PKHD1: variants seen among roughly 807,000 people sequenced by gnomAD.
PKHD1 encodes the protein fibrocystin.
PKHD1 carries 291 observed loss-of-function variants against 412.0 expected under a neutral mutation model. The observed-to-expected ratio is 0.71, with a 90% confidence interval of 0.64 to 0.78. The LOEUF is 0.78. Among genes scored for constraint, PKHD1 ranks in the 30% least tolerant of loss-of-function variants. The pLI, the probability that PKHD1 is intolerant of heterozygous loss-of-function variation, is 0.00. For synonymous variants in PKHD1, 1,777 were observed against 1,821.5 expected, an observed-to-expected ratio of 0.98 and a Z score of 0.62; for missense variants, 4,825 against 4,950.7, an observed-to-expected ratio of 0.97 and a Z score of 0.76.
intron 37 of PKHD1, 21 bp from the exon 38 acceptor site, chr6:51,912,597 G>A (rs1159728014): frequency 1.3e-6 from 2 of 1,508,212 alleles, no homozygotes; most frequent in South Asian, 1.1e-5. Flanking sequence ...CCGAGGAAAA[G>A]TTGTCCAGAT....
intron 46 of PKHD1, among the ~76,000 whole-genome samples, chr6:51,882,406 T>TCTTC (rs1777518340): frequency 6.6e-6 from 1 of 152,198 alleles, no homozygotes; most frequent in African/African-American, 2.4e-5. Context: ...GTGAAATAAA[T>TCTTC]AATCTTCAAT....
At chr6:51,737,303 T>C (rs1486248478) in intron 60 of PKHD1, among the ~76,000 whole-genome samples, 2 of 152,208 alleles carry the variant, frequency 1.3e-5, no homozygotes, top group Non-Finnish European at 2.9e-5. Flanking sequence ...CTATTCTATG[T>C]GGCATTTAAA....
intron 52 of PKHD1, among the ~76,000 whole-genome samples, chr6:51,792,416 A>G (rs1793900665): frequency 6.6e-6 from 1 of 152,236 alleles, no homozygotes; most frequent in South Asian, 2.1e-4. Flanking sequence ...GCTCTTCTTA[A>G]GGACATGCCC....
At chr6:51,958,463 C>T (rs913251351) in intron 36 of PKHD1, among the ~76,000 whole-genome samples, 43 of 152,210 alleles carry the variant, frequency 2.8e-4, no homozygotes, top group African/African-American at 1.0e-3. Flanking sequence ...CTTTCTCCTA[C>T]ACTTTTCTCT....
At chr6:51,655,610 A>G (rs957343558) in intron 61 of PKHD1, among the ~76,000 whole-genome samples, 1 of 152,182 alleles carries the variant, frequency 6.6e-6, no homozygotes, top group Non-Finnish European at 1.5e-5. Context: ...CTATTGCTGT[A>G]TAACAAATTA....
intron 53 of PKHD1, among the ~76,000 whole-genome samples, chr6:51,789,886 A>G (rs928676773): frequency 1.3e-5 from 2 of 152,212 alleles, no homozygotes; most frequent in African/African-American, 4.8e-5. Flanking sequence ...GAAGAGCCTG[A>G]ACCTATAGAA....
At chr6:51,944,540 C>T (rs2499469) in intron 36 of PKHD1, among the ~76,000 whole-genome samples, 2,346 of 152,238 alleles carry the variant, frequency 0.015, 63 homozygotes, top group African/African-American at 0.052. Flanking sequence ...TGGCCCTTAC[C>T]TAAAGACAGA....
chr6:51,766,889 C>T (rs1789145036), intron 55 of PKHD1, among the ~76,000 whole-genome samples: 1 of 151,974 alleles, frequency 6.6e-6, no homozygotes. Flanking sequence ...CTATTATTTA[C>T]TGCTGTGGCT....
Position 51,722,640 on chromosome 6 carries a change from C to T in PKHD1, c.10156+21745G>A, listed in dbSNP as rs576206888. Among the ~76,000 whole-genome samples the T allele has an allele frequency of 3.3e-5, 5 of 152,194 alleles. No homozygotes were observed. The South Asian group carries it at 1.0e-3, about 32-fold the overall frequency. On this transcript the variant is annotated intron_variant, in intron 60 of 66. Coordinates refer to ENST00000371117, the MANE Select transcript of PKHD1 (RefSeq NM_138694.4). ...CTATTGGAATAGTAGTAACTATTAC[C>T]ACATTGTAATATATAATCAATATAT... is the stretch of plus-strand genomic sequence containing the variant.
intron 61 of PKHD1, 69 bp from the exon 62 acceptor site, chr6:51,649,289 A>T: frequency 8.4e-7 from 1 of 1,183,474 alleles, no homozygotes; most frequent in African/African-American, 1.5e-5. Flanking sequence ...GCAATTTTCC[A>T]CAATCCATTA....
intron 60 of PKHD1, among the ~76,000 whole-genome samples, chr6:51,719,304 G>T (rs1316798315): frequency 2.0e-5 from 3 of 152,062 alleles, no homozygotes; most frequent in Non-Finnish European, 4.4e-5. Flanking sequence ...GACCTCCTGG[G>T]CTCCAGCAAT....
chr6:51,822,956 C>T (rs10214655), intron 52 of PKHD1, among the ~76,000 whole-genome samples: 50,799 of 151,968 alleles, frequency 0.33, 8,860 homozygotes, highest in Middle Eastern at 0.48. Flanking sequence ...TACTATATAG[C>T]TTGTAATTTG....
At position 52,062,516 on chromosome 6, in the gene PKHD1, T is replaced by A; in HGVS notation, c.1118+3A>T. The stretch of plus-strand genomic sequence containing the variant: ...GTGGGCTCCCACTTTTCCTACAACA[T>A]ACCTGAAAGGTTGTCCTTCCTGTGA... On this transcript the variant is annotated splice_donor_region_variant and intron_variant, in intron 14 of 66. Coordinates refer to ENST00000371117, the MANE Select transcript of PKHD1 (RefSeq NM_138694.4). 1 of 1,614,000 alleles carries A rather than the reference T, an allele frequency of 6.2e-7. No homozygotes were observed. The highest frequency in any genetic ancestry group is 1.7e-5 in the Admixed American group (1 of 60,012).
chr6:51,648,830 A>T (rs1232530877), intron 62 of PKHD1, among the ~76,000 whole-genome samples: 1 of 152,202 alleles, frequency 6.6e-6, no homozygotes, highest in Non-Finnish European at 1.5e-5. Flanking sequence ...TACTTCAAGA[A>T]TTTGGTTGGG....
At chr6:51,709,839 T>C (rs1284797409) in intron 60 of PKHD1, among the ~76,000 whole-genome samples, 1 of 139,738 alleles carries the variant, frequency 7.2e-6, no homozygotes, top group East Asian at 2.2e-4. Context: ...CTGACATCTA[T>C]GCTTTAGTCA....
rs750213497 is a variant in PKHD1 at position 51,803,595 on chromosome 6, G to A, written c.8303-12222C>T. On this transcript the variant is annotated intron_variant, in intron 52 of 66. Coordinates refer to ENST00000371117, the MANE Select transcript of PKHD1 (RefSeq NM_138694.4). ...GGTATTATCACTGACCAATACATTT[G>A]CTCATTCATCCATTCATTCACTTAG... is the stretch of plus-strand genomic sequence containing the variant. Among the ~76,000 whole-genome samples the A allele has an allele frequency of 3.0e-4, 46 of 151,512 alleles. 1 individual carries two copies. Among genetic ancestry groups the A allele is most frequent in the Non-Finnish European group, 5.7e-4 (39 of 68,022 alleles).
chr6:51,683,287 G>T (rs1776947496), intron 60 of PKHD1, among the ~76,000 whole-genome samples: 1 of 151,980 alleles, frequency 6.6e-6, no homozygotes, highest in African/African-American at 2.4e-5. Context: ...ATCCAATTTT[G>T]AGTCAGAAAA....
At chr6:51,678,091 T>C (rs1776131145) in intron 60 of PKHD1, among the ~76,000 whole-genome samples, 1 of 152,144 alleles carries the variant, frequency 6.6e-6, no homozygotes, top group African/African-American at 2.4e-5. Flanking sequence ...GAATATTACA[T>C]TGAAAACAGC....
At chr6:52,070,323 A>G in intron 10 of PKHD1, 83 bp downstream of exon 10, 1 of 897,268 alleles carries the variant, frequency 1.1e-6, no homozygotes, top group Non-Finnish European at 1.9e-6. Flanking sequence ...CGTCATAAAA[A>G]GATAAAGAAA....
Sources: allele counts gnomAD v4.1 joint callset (sites outside exome capture counted in the v4.1 genomes callset), GRCh38; gene constraint gnomAD v4.1.1; transcripts MANE v1.5; gene names NCBI Gene and HGNC (gene_info 2026-07-23, HGNC 2026-07-21).